The following ARSJ variants were observed in gnomAD, a reference collection of about 807,000 sequenced individuals.
The protein encoded by ARSJ is arylsulfatase J.
ARSJ carries 26 observed loss-of-function variants against 35.9 expected under a neutral mutation model. The observed-to-expected ratio is 0.72, with a 90% CI of 0.53 to 1.00. ARSJ has a LOEUF of 1.00. Among genes scored for constraint, ARSJ ranks in the 50% least tolerant of loss-of-function variants. The pLI, the probability that ARSJ is intolerant of heterozygous loss-of-function variation, is 0.00. For missense variants in ARSJ, 667 were observed against 723.6 expected (o/e 0.92, Z 0.90); for synonymous variants, 294 against 267.6 (o/e 1.10, Z -0.96).
chr4:113,972,408 CTA>C (rs1267647670), intron 1 of ARSJ, among the ~76,000 whole-genome samples: 1 of 150,938 alleles, frequency 6.6e-6, no homozygotes, highest in Non-Finnish European at 1.5e-5. Context: ...ATTCTAATAT[CTA>C]TATGTCTATG....
chr4:113,951,306 GT>G (rs1725851294), intron 1 of ARSJ, among the ~76,000 whole-genome samples: 1 of 152,100 alleles, frequency 6.6e-6, no homozygotes, highest in African/African-American at 2.4e-5. Flanking sequence ...TGTGAAGACA[GT>G]TACCACGTTT....
chr4:113,956,100 C>A (rs1243536810), intron 1 of ARSJ, among the ~76,000 whole-genome samples: 2 of 152,052 alleles, frequency 1.3e-5, no homozygotes, highest in African/African-American at 4.8e-5. Context: ...AAGACATGCA[C>A]CACCATGCCT....
intron 1 of ARSJ, among the ~76,000 whole-genome samples, chr4:113,915,743 A>G (rs776258776): frequency 6.6e-6 from 1 of 152,222 alleles, no homozygotes; most frequent in Non-Finnish European, 1.5e-5. Context: ...GAACATCTGT[A>G]TCACAGTTAC....
Position 113,962,564 on chromosome 4 carries a change from T to C in ARSJ, c.398+15873A>G, listed in dbSNP as rs77707827. The stretch of plus-strand genomic sequence containing the variant: ...CCTCCTTTTCTTCCTGTTGCATTTG[T>C]AGTTCATCAAAAAATCTTGTCTGCT... On this transcript the variant is annotated intron_variant, in intron 1 of 1. Transcript: ENST00000315366. Among the ~76,000 whole-genome samples, 952 of 151,796 alleles carry C rather than the reference T, an allele frequency of 6.3e-3. 4 individuals carry two copies. Among genetic ancestry groups the C allele is most frequent in the African/African-American group, 0.02 (832 of 41,388 alleles).
At chr4:113,974,799 C>T (rs374763081) in intron 1 of ARSJ, among the ~76,000 whole-genome samples, 6 of 152,084 alleles carry the variant, frequency 3.9e-5, no homozygotes, top group East Asian at 3.8e-4. Flanking sequence ...CCCTTTAACC[C>T]AGGATTTCCA....
intron 1 of ARSJ, among the ~76,000 whole-genome samples, chr4:113,974,144 G>A (rs1401998913): frequency 6.6e-6 from 1 of 152,080 alleles, no homozygotes; most frequent in Non-Finnish European, 1.5e-5. Flanking sequence ...AATTTCAGAT[G>A]AATCGTAATC....
At chr4:113,907,273 G>A (rs1458659386) in intron 1 of ARSJ, among the ~76,000 whole-genome samples, 1 of 152,164 alleles carries the variant, frequency 6.6e-6, no homozygotes, top group Non-Finnish European at 1.5e-5. Context: ...TTTTTTTAAA[G>A]TATGTGATTT....
chr4:113,925,460 T>G (rs533251300), intron 1 of ARSJ, among the ~76,000 whole-genome samples: 39 of 152,260 alleles, frequency 2.6e-4, no homozygotes, highest in African/African-American at 7.7e-4. Flanking sequence ...AGAGCATACA[T>G]GACCTTCTGG....
intron 1 of ARSJ, among the ~76,000 whole-genome samples, chr4:113,977,897 G>A (rs1270640465): frequency 6.6e-6 from 1 of 152,066 alleles, no homozygotes; most frequent in Non-Finnish European, 1.5e-5. Flanking sequence ...CCTTCATTAG[G>A]GGGTCTCATA....
rs142904288 is a variant in ARSJ at position 113,953,252 on chromosome 4, A to G, written c.398+25185T>C. On this transcript the variant is annotated intron_variant, in intron 1 of 1. Transcript: ENST00000315366. ...AGAGAGCTGTGGAAAAGCTTGGAGC[A>G]ATCTTCTCCTCAACTCTAAGGCCTT... Among the ~76,000 whole-genome samples the G allele has an allele frequency of 2.9e-3, 437 of 152,176 alleles. 5 individuals are homozygous for G. The highest frequency in any genetic ancestry group is 9.8e-3 in the African/African-American group (406 of 41,552).
At chr4:113,975,737 C>A (rs1298931205) in intron 1 of ARSJ, among the ~76,000 whole-genome samples, 1 of 152,072 alleles carries the variant, frequency 6.6e-6, no homozygotes, top group Non-Finnish European at 1.5e-5. Context: ...AATTCATTAC[C>A]CCAGAACACA....
intron 1 of ARSJ, among the ~76,000 whole-genome samples, chr4:113,917,164 A>G (rs1429214657): frequency 6.6e-6 from 1 of 152,150 alleles, no homozygotes; most frequent in Admixed American, 6.6e-5. Flanking sequence ...TCCAGAAAGT[A>G]CCATTAAAAT....
In ARSJ at chr4:113,902,827, A is replaced by C; in HGVS notation, c.1247T>G (p.Val416Gly). The C allele has an allele frequency of 6.2e-7, 1 of 1,613,724 alleles. No individual in the cohort carries two copies. Among genetic ancestry groups the C allele is most frequent in the Middle Eastern group, 1.6e-4 (1 of 6,062 alleles). The change falls in exon 2 of 2, where the codon GTA becomes GGA. Residue 416 changes from valine to glycine, a missense_variant. By Grantham distance (109) the Val-to-Gly change is moderately radical (BLOSUM62 -3). Transcript: ENST00000315366. ...TISEGLRSPRVDILHNIDPIY... is the reference protein window; with the variant it reads ...TISEGLRSPRGDILHNIDPIY... ...GGGGTCAATGTTATGCAAAATATCTACTCGGGGTGAGCGAAGACCCTCACT... is the reference window on the plus strand; with the variant it reads ...GGGGTCAATGTTATGCAAAATATCTCCTCGGGGTGAGCGAAGACCCTCACT...
intron 1 of ARSJ, among the ~76,000 whole-genome samples, chr4:113,976,791 A>G (rs188940955): frequency 1.3e-5 from 2 of 152,358 alleles, no homozygotes; most frequent in Non-Finnish European, 2.9e-5. Flanking sequence ...GTTTGATTGC[A>G]TTGAAATTAC....
chr4:113,903,014 G>A lies in ARSJ; in HGVS notation c.1060C>T (p.Arg354Trp), dbSNP rs1374418794. 1.2e-6 allele frequency: 2 copies of A among 1,614,060 alleles called. No homozygotes were observed. The highest frequency in any genetic ancestry group is 1.7e-5 in the Admixed American group (1 of 60,018). The change falls in exon 2 of 2, where the codon CGG (arginine) becomes TGG (tryptophan). Residue 354 changes from arginine (R) to tryptophan (W), a missense_variant. Coordinates refer to ENST00000315366, the MANE Select transcript of ARSJ (RefSeq NM_024590.4). Reference sequence around the variant, plus strand: ...GGGCTATGCACAAAGCCTACAGCCCGGATCCCTCCTTCCCAATATGTTCCT... The same window carrying A: ...GGGCTATGCACAAAGCCTACAGCCCAGATCCCTCCTTCCCAATATGTTCCT... The part of the protein sequence containing the change: ...SKGTYWEGGI[R>W]AVGFVHSPLL...
At chr4:113,964,159 A>T (rs114953270) in intron 1 of ARSJ, among the ~76,000 whole-genome samples, 1 of 152,088 alleles carries the variant, frequency 6.6e-6, no homozygotes, top group South Asian at 2.1e-4. Flanking sequence ...ACAGTGAATT[A>T]TCTAGCTAAG....
At chr4:113,945,481 A>G (rs999219190) in intron 1 of ARSJ, among the ~76,000 whole-genome samples, 2 of 152,086 alleles carry the variant, frequency 1.3e-5, no homozygotes, top group Non-Finnish European at 2.9e-5. Context: ...ACAATGACAC[A>G]AGAGAGGACA....
intron 1 of ARSJ, among the ~76,000 whole-genome samples, chr4:113,949,677 C>T (rs1027390706): frequency 3.9e-5 from 6 of 152,054 alleles, no homozygotes; most frequent in African/African-American, 1.4e-4. Context: ...TAGTCCATGC[C>T]AGTCTCTGTA....
At chr4:113,956,421 C>T (rs530179057) in intron 1 of ARSJ, among the ~76,000 whole-genome samples, 11 of 152,056 alleles carry the variant, frequency 7.2e-5, no homozygotes, top group Admixed American at 3.3e-4. Flanking sequence ...AACTAGAAAT[C>T]GGTGGGACCA....
Sources: gnomAD v4.1 joint callset for allele counts (sites outside exome capture counted in the v4.1 genomes callset) on GRCh38, gnomAD v4.1.1 for gene constraint, MANE v1.5 for transcripts, NCBI Gene and HGNC (gene_info 2026-07-23, HGNC 2026-07-21) for gene names.